Variants in LRRIQ1 observed in about 807,000 individuals in gnomAD.
LRRIQ1 encodes leucine rich repeats and IQ motif containing 1.
A neutral mutation model predicts 211.9 loss-of-function variants in LRRIQ1; 210 were observed. The observed-to-expected ratio is 0.99, with a 90% CI of 0.89 to 1.11. LRRIQ1 has a LOEUF of 1.11. Among genes scored for constraint, LRRIQ1 ranks in the 50% most tolerant of loss-of-function variants. LRRIQ1 has a pLI of 0.00. For synonymous variants in LRRIQ1, 699 were observed against 650.1 expected, an observed-to-expected ratio of 1.08 and a Z score of -1.14; for missense variants, 2,136 against 1,939.5, an observed-to-expected ratio of 1.10 and a Z score of -1.90.
chr12:85,155,308 T>C (rs866466987), intron 23 of LRRIQ1, among the ~76,000 whole-genome samples: 3 of 151,744 alleles, frequency 2.0e-5, no homozygotes, highest in South Asian at 4.1e-4. Flanking sequence ...AATTTGTTTG[T>C]ACCTCCTGCA....
chr12:85,091,583 G>GAT (rs1477434710), intron 11 of LRRIQ1, among the ~76,000 whole-genome samples: 1 of 152,070 alleles, frequency 6.6e-6, no homozygotes, highest in African/African-American at 2.4e-5. Context: ...TGACAAGGCT[G>GAT]ATATCCAGCA....
rs936601545 is a variant in LRRIQ1, at chr12:85,153,083, A to C, written c.4479A>C (p.Gln1493His). Reference protein sequence around the residue: ...TSFNLPSNPAQAWLCNDKENL... With the variant: ...TSFNLPSNPAHAWLCNDKENL... ...TTAATTTACCAAGTAATCCAGCTCA[A>C]GCATGGTTATGTAATGACAAAGAAA... Residue 1493 changes from glutamine (Q) to histidine (H), a missense_variant, in exon 21 of 27, where the codon CAA becomes CAC. Coordinates refer to ENST00000393217, the MANE Select transcript of LRRIQ1 (RefSeq NM_001079910.2). 6.3e-7 allele frequency: 1 copy of C among 1,588,358 alleles called. No homozygotes were observed. Among genetic ancestry groups the C allele is most frequent in the Admixed American group, 1.7e-5 (1 of 57,990 alleles).
chr12:85,139,923 C>G (rs1425027245), intron 19 of LRRIQ1, among the ~76,000 whole-genome samples: 2 of 151,232 alleles, frequency 1.3e-5, no homozygotes, highest in Non-Finnish European at 3.0e-5. Flanking sequence ...TGCACTCTCT[C>G]AAATCTTAAA....
chr12:85,161,379 A>G (rs1167823573), intron 24 of LRRIQ1, among the ~76,000 whole-genome samples: 3 of 152,058 alleles, frequency 2.0e-5, no homozygotes, highest in Non-Finnish European at 4.4e-5. Flanking sequence ...TAGTTTTTAT[A>G]CTAAAAAATT....
intron 19 of LRRIQ1, among the ~76,000 whole-genome samples, chr12:85,145,113 A>C (rs1362317609): frequency 6.6e-6 from 1 of 151,578 alleles, no homozygotes; most frequent in Admixed American, 6.6e-5. Flanking sequence ...AAATCTTCTC[A>C]AACTTATTTT....
chr12:85,153,011 T>C lies in LRRIQ1; in HGVS notation c.4420-13T>C. 1.3e-6 allele frequency: 2 copies of C among 1,533,356 alleles called. No individual in the cohort carries two copies. The highest frequency in any genetic ancestry group is 1.8e-6 in the Non-Finnish European group (2 of 1,126,746). The allele number at this position is 1,533,356 out of a possible 1,614,324, so 95.0% of individuals were successfully genotyped here. A position where few individuals can be genotyped will look rare whatever the true frequency, so the allele number is the denominator to read the frequency against. On this transcript the variant is annotated splice_polypyrimidine_tract_variant and intron_variant, in intron 20 of 26. Transcript: ENST00000393217. Reference sequence around the variant, plus strand: ...TATTTTACTTCACACTTATTTACTTTTTTTGTGAAAAGATTCCTGGAAACT... The same window carrying C: ...TATTTTACTTCACACTTATTTACTTCTTTTGTGAAAAGATTCCTGGAAACT...
At chr12:85,128,418 A>G (rs1356241387) in intron 18 of LRRIQ1, among the ~76,000 whole-genome samples, 2 of 152,014 alleles carry the variant, frequency 1.3e-5, no homozygotes, top group Non-Finnish European at 2.9e-5. Context: ...TGGCCCAGAA[A>G]GCGAGACTCC....
chr12:85,138,008 A>G (rs758407404), intron 19 of LRRIQ1, 39 bp downstream of exon 19: 24 of 1,171,896 alleles, frequency 2.0e-5, no homozygotes, highest in Non-Finnish European at 2.8e-5. Flanking sequence ...TGGTCTTAAA[A>G]TACATTAAGT....
intron 18 of LRRIQ1, among the ~76,000 whole-genome samples, chr12:85,136,113 A>T (rs1186547621): frequency 1.3e-5 from 2 of 151,896 alleles, no homozygotes; most frequent in African/African-American, 4.8e-5. Context: ...TTTTACTGAC[A>T]TTATCATAAT....
At chr12:85,197,943 T>TTATATATAATTATATATTATATATAAA (rs1190823449) in intron 24 of LRRIQ1, among the ~76,000 whole-genome samples, 16 of 106,382 alleles carry the variant, frequency 1.5e-4, no homozygotes, top group Admixed American at 3.8e-4. Flanking sequence ...TTATATATAT[T>TTATATATAATTATATATTATATATAAA]TATATATAAT....
chr12:85,171,446 A>G (rs966390570), intron 24 of LRRIQ1, among the ~76,000 whole-genome samples: 1 of 152,200 alleles, frequency 6.6e-6, no homozygotes, highest in Non-Finnish European at 1.5e-5. Flanking sequence ...TAAAAACCAC[A>G]TCTTGGCATA....
At chr12:85,244,699 C>G in intron 26 of LRRIQ1, 90 bp from the exon 27 acceptor site, 1 of 1,097,180 alleles carries the variant, frequency 9.1e-7, no homozygotes, top group South Asian at 1.3e-5. Context: ...TTGACAGAGC[C>G]TGTTTGTTTA....
chr12:85,111,273 C>T (rs1391224622), intron 15 of LRRIQ1, among the ~76,000 whole-genome samples: 2 of 152,240 alleles, frequency 1.3e-5, no homozygotes, highest in African/African-American at 4.8e-5. Context: ...GTACAACTGA[C>T]ATATAACCAC....
intron 24 of LRRIQ1, among the ~76,000 whole-genome samples, chr12:85,205,029 AG>A (rs1443780769): frequency 1.3e-5 from 2 of 152,098 alleles, no homozygotes; most frequent in African/African-American, 4.8e-5. Flanking sequence ...TAATTAAATC[AG>A]GGGGGTGGTT....
intron 11 of LRRIQ1, among the ~76,000 whole-genome samples, chr12:85,085,107 T>C (rs915836637): frequency 6.6e-6 from 1 of 152,162 alleles, no homozygotes; most frequent in African/African-American, 2.4e-5. Context: ...TTTGTTTTTT[T>C]GCGTGTTTCC....
intron 15 of LRRIQ1, among the ~76,000 whole-genome samples, chr12:85,114,700 C>A (rs1887449272): frequency 6.6e-6 from 1 of 151,932 alleles, no homozygotes; most frequent in Admixed American, 6.6e-5. Context: ...AATGATTTGG[C>A]TATAATTTCT....
At chr12:85,130,400 A>G (rs1012901876) in intron 18 of LRRIQ1, among the ~76,000 whole-genome samples, 1 of 152,224 alleles carries the variant, frequency 6.6e-6, no homozygotes, top group Non-Finnish European at 1.5e-5. Flanking sequence ...CGGTGGATGA[A>G]CAATACATTT....
intron 24 of LRRIQ1, among the ~76,000 whole-genome samples, chr12:85,203,571 T>C (rs369916267): frequency 1.7e-4 from 26 of 152,096 alleles, no homozygotes; most frequent in African/African-American, 5.3e-4. Flanking sequence ...TAAGGTCCAG[T>C]CTGAGGTGAT....
Position 85,056,050 on chromosome 12 carries a change from G to T in LRRIQ1, c.1257G>T (p.Lys419Asn). 5 of 1,598,904 alleles carry T rather than the reference G, an allele frequency of 3.1e-6. No individual in the cohort carries two copies. Among genetic ancestry groups the T allele is most frequent in the South Asian group, 1.1e-5 (1 of 87,100 alleles). ...HLSLEDISND[K>N]GDIAKNLVDE... ...GTCTTGAAGATATTTCAAATGATAA[G>T]GGTGATATAGCCAAAAATCTAGTGG... Residue 419 changes from lysine (K) to asparagine (N), a missense_variant, in exon 8 of 27, where the codon AAG becomes AAT. Transcript: ENST00000393217.
Sources: gnomAD v4.1 joint callset for allele counts (sites outside exome capture counted in the v4.1 genomes callset) on GRCh38, gnomAD v4.1.1 for gene constraint, MANE v1.5 for transcripts, NCBI Gene and HGNC (gene_info 2026-07-23, HGNC 2026-07-21) for gene names.